The following LGALS13 variants were observed in gnomAD, a reference collection of about 807,000 sequenced individuals.
The protein encoded by LGALS13 is galectin 13, also known as galactoside-binding soluble lectin 13.
A neutral mutation model predicts 13.2 loss-of-function variants in LGALS13; 11 were observed. That is an observed-to-expected ratio of 0.83 (90% CI 0.52 to 1.38). LGALS13 has a LOEUF of 1.38. Ranked by LOEUF, LGALS13 falls within the 40% of genes most tolerant of loss-of-function variation. The pLI is 0.00. For missense variants in LGALS13, 183 were observed against 174.3 expected, an observed-to-expected ratio of 1.05 and a Z score of -0.28; for synonymous variants, 71 against 63.7, an observed-to-expected ratio of 1.11 and a Z score of -0.54.
At chr19:39,603,116 C>A (rs575251826) in intron 1 of LGALS13, among the ~76,000 whole-genome samples, 14 of 152,260 alleles carry the variant, frequency 9.2e-5, no homozygotes, top group African/African-American at 3.1e-4. Context: ...TTTCTCCCCA[C>A]ACAGCAGCAC....
At chr19:39,605,046 A>G in intron 2 of LGALS13, 132 bp from the exon 3 acceptor site, 1 of 797,626 alleles carries the variant, frequency 1.3e-6, no homozygotes, top group South Asian at 1.5e-5. Context: ...GCATCCCCAC[A>G]GGGACCTGGC....
rs144652684 is a variant in LGALS13 at position 39,607,308 on chromosome 19, T to A, written c.389T>A (p.Ile130Asn). The A allele has an allele frequency of 2.3e-5, 37 of 1,613,508 alleles. No homozygotes were observed. In the African/African-American group the frequency reaches 4.8e-4, roughly 21 times the overall value. The change falls in exon 4 of 4, where the codon ATC becomes AAC. Residue 130 changes from isoleucine to asparagine, a missense_variant. By Grantham distance (149) the Ile-to-Asn change is moderately radical. Coordinates refer to ENST00000221797, the MANE Select transcript of LGALS13 (RefSeq NM_013268.3). ...AAGATGGTGCAAGTGTCGAGAGATA[T>A]CTCCCTGACCTCAGTGTGTGTCTGC... Reference protein sequence around the residue: ...FVKMVQVSRDISLTSVCVCN With the variant: ...FVKMVQVSRDNSLTSVCVCN
chr19:39,602,687 C>T (rs3764844), intron 1 of LGALS13, 104 bp downstream of exon 1: 52,682 of 1,122,564 alleles, frequency 0.047, 1,638 homozygotes, highest in South Asian at 0.1. Flanking sequence ...GCTGTGAATG[C>T]TTTACTTAGA....
In LGALS13 at chr19:39,605,294, G is replaced by A; in HGVS notation, c.209G>A (p.Gly70Glu). Residue 70 changes from glycine to glutamate, a missense_variant, in exon 3 of 4, where the codon GGG becomes GAG. Physicochemically the swap from Gly to Glu is moderately conservative, Grantham distance 98 (BLOSUM62 -2). Transcript: ENST00000221797. ...NHVVMNRREFGIWMLEETTDY... is the reference protein window; with the variant it reads ...NHVVMNRREFEIWMLEETTDY... ...GTGGTCATGAACAGGCGTGAGTTTG[G>A]GATATGGATGTTGGAGGAGACAACA... is the stretch of plus-strand genomic sequence containing the variant. 2 of 1,614,114 alleles carry A rather than the reference G, an allele frequency of 1.2e-6. No individual in the cohort carries two copies. Among genetic ancestry groups the A allele is most frequent in the Non-Finnish European group, 1.7e-6 (2 of 1,180,022 alleles).
At chr19:39,604,278 C>T (rs557312976) in intron 1 of LGALS13, among the ~76,000 whole-genome samples, 4 of 152,260 alleles carry the variant, frequency 2.6e-5, no homozygotes, top group African/African-American at 4.8e-5. Context: ...TTACGGAGAA[C>T]ATCCTACAAA....
chr19:39,607,231 C>A lies in LGALS13; in HGVS notation c.312C>A (p.Val104=). 2 of 1,613,528 alleles carry A rather than the reference C, an allele frequency of 1.2e-6. No individual in the cohort carries two copies. ...YVHYNEYEIK[V]NGIRIYGFVH... is the part of the protein sequence containing the mutation. ...CATTTTTCCTCTTGTAGATAAAGGT[C>A]AATGGCATACGCATTTACGGCTTTG... The change falls in exon 4 of 4, where the codon GTC becomes GTA. Residue 104 remains valine, a synonymous_variant. Coordinates refer to ENST00000221797, the MANE Select transcript of LGALS13 (RefSeq NM_013268.3).
chr19:39,606,230 C>T (rs943986767), intron 3 of LGALS13, among the ~76,000 whole-genome samples: 2 of 152,048 alleles, frequency 1.3e-5, no homozygotes, highest in Non-Finnish European at 2.9e-5. Context: ...GTATAAGTTG[C>T]TCTACACATT....
intron 3 of LGALS13, 39 bp downstream of exon 3, chr19:39,605,427 G>C (rs1024230277): frequency 7.7e-6 from 12 of 1,562,144 alleles, no homozygotes; most frequent in Non-Finnish European, 1.1e-5. Flanking sequence ...AGGCTCTGTG[G>C]GCTCCCAAAA....
chr19:39,605,040 C>A, intron 2 of LGALS13, 138 bp from the exon 3 acceptor site: 1 of 777,682 alleles, frequency 1.3e-6, no homozygotes, highest in South Asian at 1.5e-5. Context: ...GCTGAAGCAT[C>A]CCCACAGGGA....
intron 3 of LGALS13, 65 bp downstream of exon 3, chr19:39,605,453 A>C: frequency 8.9e-6 from 12 of 1,349,356 alleles, no homozygotes; most frequent in African/African-American, 1.4e-5. Flanking sequence ...GGCAGCTCTC[A>C]TTGATCTGGC....
chr19:39,604,822 C>A, intron 2 of LGALS13, 144 bp downstream of exon 2: 1 of 989,748 alleles, frequency 1.0e-6, no homozygotes. Flanking sequence ...GACCCTCCAG[C>A]ACCAGGCATG....
At chr19:39,602,909 G>A (rs781506485) in intron 1 of LGALS13, among the ~76,000 whole-genome samples, 4 of 152,008 alleles carry the variant, frequency 2.6e-5, no homozygotes, top group Middle Eastern at 3.2e-3. Context: ...GGGGTGAGTC[G>A]GCTTTGTTTC....
rs567688357 is a variant in LGALS13, at chr19:39,605,855, T to C, written c.303+467T>C. ...TTGTTTGTTTGTTTGTTTTTGTTTG[T>C]TTGTTTTCTTGAGATAGAGTCTCAT... On this transcript the variant is annotated intron_variant, in intron 3 of 3. Transcript: ENST00000221797. Among the ~76,000 whole-genome samples, 353 of 108,164 alleles carry C rather than the reference T, an allele frequency of 3.3e-3. 1 individual carries two copies. Among genetic ancestry groups the C allele is most frequent in the African/African-American group, 8.6e-3 (330 of 38,558 alleles). The allele number at this position is 108,164 out of a possible 152,430, so 71.0% of individuals were successfully genotyped here.
rs181848901 is a variant in LGALS13, at chr19:39,605,402, G to C, written c.303+14G>C. ...AATGAGTATGAGGTGAGCATCCCAG[G>C]AGCTCCCAGCACCCAGGCTCTGTGG... On this transcript the variant is annotated intron_variant, in intron 3 of 3. Coordinates refer to ENST00000221797, the MANE Select transcript of LGALS13 (RefSeq NM_013268.3). 2.8e-5 allele frequency: 45 copies of C among 1,609,916 alleles called. 1 individual carries two copies. The African/African-American group carries it at 4.8e-4, about 17-fold the overall frequency.
chr19:39,606,274 G>C (rs542466787), intron 3 of LGALS13, among the ~76,000 whole-genome samples: 3 of 152,186 alleles, frequency 2.0e-5, no homozygotes, highest in Admixed American at 6.5e-5. Flanking sequence ...TGTTGCCAAA[G>C]AATATATATT....
chr19:39,607,344 G>A lies in LGALS13; in HGVS notation c.*5G>A, dbSNP rs1163303715. 1 of 1,554,970 alleles carries A rather than the reference G, an allele frequency of 6.4e-7. No homozygotes were observed. The highest frequency in any genetic ancestry group is 8.9e-7 in the Non-Finnish European group (1 of 1,125,976). On this transcript the variant is annotated 3_prime_UTR_variant, in exon 4 of 4. Transcript: ENST00000221797. ...TCAGTGTGTGTCTGCAATTGAGGGA[G>A]ATGATCACACTCCTCATTGTTGAGG...
chr19:39,607,107 C>A, intron 3 of LGALS13, 116 bp from the exon 4 acceptor site: 1 of 790,284 alleles, frequency 1.3e-6, no homozygotes, highest in Non-Finnish European at 2.3e-6. Context: ...AATACGTTAA[C>A]TTGTATAACT....
At chr19:39,605,454 T>C (rs1292183955) in intron 3 of LGALS13, 66 bp downstream of exon 3, 2 of 1,337,666 alleles carry the variant, frequency 1.5e-6, no homozygotes, top group African/African-American at 2.9e-5. Context: ...GCAGCTCTCA[T>C]TGATCTGGCC....
intron 1 of LGALS13, chr19:39,603,952 C>T: frequency 1.0e-6 from 1 of 985,382 alleles, no homozygotes; most frequent in Non-Finnish European, 1.2e-6. Context: ...TGTGCAAGTA[C>T]TGGGGCTGTG....
Sources: gnomAD v4.1 joint callset for allele counts (sites outside exome capture counted in the v4.1 genomes callset) on GRCh38, gnomAD v4.1.1 for gene constraint, MANE v1.5 for transcripts, NCBI Gene and HGNC (gene_info 2026-07-23, HGNC 2026-07-21) for gene names.